The following ARHGAP42 variants were observed in gnomAD, a reference collection of about 807,000 sequenced individuals.
ARHGAP42 encodes the protein Rho GTPase activating protein 42, also known as rho GTPase-activating protein 42.
ARHGAP42 carries 63 observed loss-of-function variants against 125.0 expected under a neutral mutation model. The ratio of observed to expected loss-of-function variants is 0.50; its 90% CI spans 0.41 to 0.62. The LOEUF (loss-of-function observed/expected upper bound fraction) is 0.62, where lower values mean the gene tolerates loss of function less well. Among genes scored for constraint, ARHGAP42 ranks in the 20% least tolerant of loss-of-function variants. The probability of loss-of-function intolerance (pLI) is 0.00; values close to 1 mark genes in which losing one functional copy is unlikely to be tolerated. For synonymous variants in ARHGAP42, 339 were observed against 351.0 expected (o/e 0.97, Z 0.38); for missense variants, 766 against 1,024.2 (o/e 0.75, Z 3.44).
intron 10 of ARHGAP42, among the ~76,000 whole-genome samples, chr11:100,947,541 C>T (rs1185333390): frequency 6.6e-6 from 1 of 151,898 alleles, no homozygotes; most frequent in Non-Finnish European, 1.5e-5. Flanking sequence ...GGAAACATAA[C>T]ACAGTGCCTG....
At chr11:100,941,040 G>A (rs561068920) in intron 8 of ARHGAP42, among the ~76,000 whole-genome samples, 1 of 152,230 alleles carries the variant, frequency 6.6e-6, no homozygotes, top group East Asian at 1.9e-4. Flanking sequence ...TATCTCTCCA[G>A]GAAAGGCCAT....
intron 4 of ARHGAP42, among the ~76,000 whole-genome samples, chr11:100,900,803 AT>A (rs955055191): frequency 1.3e-5 from 2 of 152,070 alleles, no homozygotes; most frequent in African/African-American, 4.8e-5. Flanking sequence ...CTAGTTAGCC[AT>A]TTGTCTAACC....
In ARHGAP42 at chr11:100,976,078, C is replaced by T; in HGVS notation, c.1877C>T (p.Pro626Leu). Residue 626 changes from proline to leucine, a missense_variant, in exon 20 of 24, where the codon CCA (proline) becomes CTA (leucine). Transcript: ENST00000298815. ...TTAGGTGACTCCTATAGCAGCAGCCCAGACAGCACACCTATGGGGAGCATT... is the reference window on the plus strand; with the variant it reads ...TTAGGTGACTCCTATAGCAGCAGCCTAGACAGCACACCTATGGGGAGCATT... ...EPDSDSYSSS[P>L]DSTPMGSIES... The T allele has an allele frequency of 6.5e-7, 1 of 1,537,420 alleles. No individual in the cohort carries two copies.
intron 3 of ARHGAP42, among the ~76,000 whole-genome samples, chr11:100,846,734 G>A (rs1249963862): frequency 6.6e-6 from 1 of 152,096 alleles, no homozygotes; most frequent in East Asian, 1.9e-4. Flanking sequence ...TCAATATCCT[G>A]TGGGAGTTTG....
chr11:100,961,823 A>T, intron 15 of ARHGAP42, 55 bp downstream of exon 15: 5 of 1,408,244 alleles, frequency 3.6e-6, no homozygotes, highest in Non-Finnish European at 4.9e-6. Flanking sequence ...TCACCCCTTG[A>T]GTAGTAACCA....
chr11:100,730,000 G>A (rs1367143840), intron 1 of ARHGAP42, among the ~76,000 whole-genome samples: 1 of 151,858 alleles, frequency 6.6e-6, no homozygotes, highest in Middle Eastern at 3.2e-3. Context: ...TAGTAGAGAC[G>A]AGGTTTCATC....
intron 2 of ARHGAP42, among the ~76,000 whole-genome samples, chr11:100,774,106 A>G (rs1591169838): frequency 2.0e-5 from 3 of 152,238 alleles, no homozygotes; most frequent in African/African-American, 7.2e-5. Context: ...GCTCCCACAT[A>G]TACTCTAAAC....
In ARHGAP42 at chr11:100,976,236, C is replaced by T; in HGVS notation, c.2035C>T (p.Leu679=). The T allele has an allele frequency of 6.4e-7, 1 of 1,551,596 alleles. No individual in the cohort carries two copies. The highest frequency in any genetic ancestry group is 8.7e-7 in the Non-Finnish European group (1 of 1,146,890). Residue 679 remains leucine (L), a synonymous_variant, in exon 20 of 24, where the codon CTG becomes TTG. Coordinates refer to ENST00000298815, the MANE Select transcript of ARHGAP42 (RefSeq NM_152432.4). Reference sequence around the variant, plus strand: ...TTCCAATGGACAGAAAAGCCTTGGTCTGTGGACAACTAGTCCTGAATCAAG... The same window carrying T: ...TTCCAATGGACAGAAAAGCCTTGGTTTGTGGACAACTAGTCCTGAATCAAG... ...SSSNGQKSLG[L]WTTSPESSSR...
In ARHGAP42 at chr11:100,801,207, T is replaced by A. The variant is rs117644317; in HGVS notation, c.312+6041T>A. Among the ~76,000 whole-genome samples, 808 of 152,274 alleles carry A rather than the reference T, an allele frequency of 5.3e-3. 14 individuals are homozygous for A. The highest frequency in any genetic ancestry group is 0.043 in the East Asian group (225 of 5,190). On this transcript the variant is annotated intron_variant, in intron 3 of 23. Transcript: ENST00000298815. ...GATGGTGAGAGATTTTGTACAAAGATGTGTCAAAGAACTTGTATTTAAAAA... is the reference window on the plus strand; with the variant it reads ...GATGGTGAGAGATTTTGTACAAAGAAGTGTCAAAGAACTTGTATTTAAAAA...
intron 1 of ARHGAP42, among the ~76,000 whole-genome samples, chr11:100,715,256 T>C (rs1861639512): frequency 6.6e-6 from 1 of 152,110 alleles, no homozygotes; most frequent in Admixed American, 6.5e-5. Flanking sequence ...CCCTACGCAT[T>C]CATTTCCTGT....
At chr11:100,740,410 G>A (rs1022040456) in intron 1 of ARHGAP42, among the ~76,000 whole-genome samples, 2 of 152,150 alleles carry the variant, frequency 1.3e-5, no homozygotes, top group African/African-American at 4.8e-5. Flanking sequence ...TCTTTTATAT[G>A]TAGAAAATTG....
chr11:100,852,669 G>C (rs1865231901), intron 3 of ARHGAP42, among the ~76,000 whole-genome samples: 1 of 152,166 alleles, frequency 6.6e-6, no homozygotes, highest in Non-Finnish European at 1.5e-5. Context: ...GGGATGTACA[G>C]TGTCTCTGAT....
At chr11:100,937,023 TGA>T (rs1416443086) in intron 8 of ARHGAP42, among the ~76,000 whole-genome samples, 2 of 152,218 alleles carry the variant, frequency 1.3e-5, no homozygotes, top group African/African-American at 4.8e-5. Flanking sequence ...CAGTTGTGTG[TGA>T]GTTTCCAGCC....
chr11:100,882,036 A>G (rs564117233), intron 4 of ARHGAP42, among the ~76,000 whole-genome samples: 1 of 152,348 alleles, frequency 6.6e-6, no homozygotes, highest in East Asian at 1.9e-4. Flanking sequence ...ATCATCAGCA[A>G]GCAGTGACTG....
At chr11:100,738,145 A>G (rs191432846) in intron 1 of ARHGAP42, among the ~76,000 whole-genome samples, 10 of 152,234 alleles carry the variant, frequency 6.6e-5, no homozygotes, top group Admixed American at 3.3e-4. Context: ...TCAAGAAAAT[A>G]TCGTAGAAAT....
intron 4 of ARHGAP42, among the ~76,000 whole-genome samples, chr11:100,866,073 G>A (rs778316431): frequency 1.3e-5 from 2 of 152,192 alleles, no homozygotes; most frequent in Non-Finnish European, 2.9e-5. Context: ...TATCACGTAA[G>A]TATATGGAAT....
chr11:100,714,816 G>A (rs1057142153), intron 1 of ARHGAP42, among the ~76,000 whole-genome samples: 6 of 151,904 alleles, frequency 3.9e-5, no homozygotes, highest in Non-Finnish European at 7.4e-5. Flanking sequence ...GATCATTTCA[G>A]CCTAGGAGTT....
At chr11:100,987,948 T>C (rs1271068476) in intron 23 of ARHGAP42, among the ~76,000 whole-genome samples, 2 of 152,054 alleles carry the variant, frequency 1.3e-5, no homozygotes, top group Non-Finnish European at 2.9e-5. Context: ...GCCAACATGG[T>C]GAAACCCTGT....
At chr11:100,781,077 G>A (rs1863299993) in intron 2 of ARHGAP42, among the ~76,000 whole-genome samples, 1 of 152,036 alleles carries the variant, frequency 6.6e-6, no homozygotes. Context: ...AGTTTTCTTT[G>A]TGGAGTTTCT....
Sources: allele counts gnomAD v4.1 joint callset (sites outside exome capture counted in the v4.1 genomes callset), GRCh38; gene constraint gnomAD v4.1.1; transcripts MANE v1.5; gene names NCBI Gene and HGNC (gene_info 2026-07-23, HGNC 2026-07-21).